Variants in KMT2E observed in about 807,000 individuals in gnomAD.
KMT2E encodes lysine methyltransferase 2E (inactive), also known as histone reader KMT2E.
Under a neutral mutation model 184.6 loss-of-function variants are expected in KMT2E, and 30 were observed. The observed-to-expected ratio is 0.16, with a 90% CI of 0.12 to 0.22. KMT2E has a LOEUF of 0.22. KMT2E is among the 10% of genes least tolerant of loss of function. KMT2E has a pLI of 1.00. For missense variants in KMT2E, 2,023 were observed against 2,237.4 expected (o/e 0.90, Z 1.93); for synonymous variants, 815 against 776.5 (o/e 1.05, Z -0.82).
chr7:105,071,600 ATATATATATTTTT>A lies in KMT2E; in HGVS notation c.498-2017_498-2005del, dbSNP rs1219206944. On this transcript the variant is annotated intron_variant, in intron 6 of 26. Transcript: ENST00000311117. ...TGTGTGTGTATATATATATATATATATATATATATTTTTTTTTTTTTTTTTTTTTTTTTTTTAA... is the reference window on the plus strand; with the variant it reads ...TGTGTGTGTATATATATATATATATATTTTTTTTTTTTTTTTTTTTTTTAA... Among the ~76,000 whole-genome samples the A allele has an allele frequency of 7.6e-5, 5 of 66,138 alleles. No individual in the cohort carries two copies. In the East Asian group the frequency reaches 1.8e-3, roughly 24 times the overall value. The allele number at this position is 66,138 out of a possible 152,430, so 43.4% of individuals were successfully genotyped here.
rs766557947 is a variant in KMT2E at position 105,063,571 on chromosome 7, A to T, written c.407A>T (p.Asp136Val). 6.4e-7 allele frequency: 1 copy of T among 1,574,544 alleles called. No individual in the cohort carries two copies. Among genetic ancestry groups the T allele is most frequent in the Non-Finnish European group, 8.6e-7 (1 of 1,157,442 alleles). ...GATGATGGATACATGATCTGTTGTG[A>T]CAAATGCAGGTAAAATATTTTACAC... ...THDDGYMICC[D>V]KCSVWQHIDC... The change falls in exon 5 of 27, where the codon GAC (aspartate) becomes GTC (valine). Residue 136 changes from aspartate (D) to valine (V), a missense_variant. Coordinates refer to ENST00000311117, the MANE Select transcript of KMT2E (RefSeq NM_182931.3).
Position 105,014,485 on chromosome 7 carries a change from G to A in KMT2E, c.-239G>A, listed in dbSNP as rs1391464442. 2 of 152,970 alleles carry A rather than the reference G, an allele frequency of 1.3e-5. No homozygotes were observed. Among genetic ancestry groups the A allele is most frequent in the Non-Finnish European group, 2.9e-5 (2 of 68,548 alleles). 9.5% of individuals were successfully genotyped at this position (152,970 alleles called of 1,614,324 possible). On this transcript the variant is annotated 5_prime_UTR_variant, in exon 1 of 27. Transcript: ENST00000311117. ...TCGCGGAGGTGCGGAGAGACTCCTT[G>A]GGGGTCGAGCACATAACGGGGTTCG...
At chr7:105,068,876 A>G (rs1233633823) in intron 6 of KMT2E, among the ~76,000 whole-genome samples, 1 of 152,142 alleles carries the variant, frequency 6.6e-6, no homozygotes, top group Non-Finnish European at 1.5e-5. Context: ...TGGTTTTCAG[A>G]ATAATGAAAA....
chr7:105,108,728 G>A (rs1799019692), intron 22 of KMT2E: 3 of 534,862 alleles, frequency 5.6e-6, no homozygotes, highest in Non-Finnish European at 3.4e-6. Flanking sequence ...TAGGGTTGTT[G>A]TGAGGATAAA....
In KMT2E at chr7:105,113,027, T is replaced by C. The variant is rs753557046; in HGVS notation, c.5271T>C (p.Thr1757=). ...PPLFPSSAHP[T]VPPYPSQATH... is the part of the protein sequence containing the mutation. ...TTTTTCCTTCGAGTGCTCATCCAAC[T>C]GTACCACCGTATCCCTCACAAGCTA... Residue 1757 remains threonine (T), a synonymous_variant, in exon 27 of 27, where the codon ACT becomes ACC. Coordinates refer to ENST00000311117, the MANE Select transcript of KMT2E (RefSeq NM_182931.3). 91 of 1,613,910 alleles carry C rather than the reference T, an allele frequency of 5.6e-5. No individual in the cohort carries two copies. The Admixed American group carries it at 1.5e-3, about 27-fold the overall frequency.
chr7:105,095,690 G>T (rs967320275), intron 15 of KMT2E, among the ~76,000 whole-genome samples: 1 of 152,140 alleles, frequency 6.6e-6, no homozygotes, highest in Admixed American at 6.6e-5. Context: ...TTGTGGCTAA[G>T]TTATGTGGAA....
intron 3 of KMT2E, among the ~76,000 whole-genome samples, chr7:105,044,391 T>C (rs935101109): frequency 6.6e-6 from 1 of 152,190 alleles, no homozygotes; most frequent in Non-Finnish European, 1.5e-5. Flanking sequence ...CTTTAAGGTA[T>C]TTTTTTCTTT....
At position 105,112,576 on chromosome 7, in the gene KMT2E, G is replaced by A. The variant is rs201171142; in HGVS notation, c.4820G>A (p.Gly1607Glu). 3.8e-5 allele frequency: 62 copies of A among 1,613,870 alleles called. No homozygotes were observed. Among genetic ancestry groups the A allele is most frequent in the Non-Finnish European group, 4.2e-5 (49 of 1,179,964 alleles). The change falls in exon 27 of 27, where the codon GGG (glycine) becomes GAG (glutamate). Residue 1607 changes from glycine (G) to glutamate (E), a missense_variant. By Grantham distance (98) the Gly-to-Glu change is moderately conservative (BLOSUM62 -2). This residue lies in a region of KMT2E where 1,108 missense variants were observed against 1,050.9 expected (regional missense o/e 1.05). Transcript: ENST00000311117. ...GTTCCAGGACACCACGTGACTCCAG[G>A]GCATTTTTTGCCCTCTCAGAACCCT... is the stretch of plus-strand genomic sequence containing the variant. The part of the protein sequence containing the change: ...QTVPGHHVTP[G>E]HFLPSQNPTI...
In KMT2E at chr7:105,067,787, A is replaced by G. The variant is rs1413180323; in HGVS notation, c.497+980A>G. Reference sequence around the variant, plus strand: ...GGAGTTCGAGACCAGCTTGGGAAACATGGTGAAACCCTGTCTCTCCTAAAA... The same window carrying G: ...GGAGTTCGAGACCAGCTTGGGAAACGTGGTGAAACCCTGTCTCTCCTAAAA... On this transcript the variant is annotated intron_variant, in intron 6 of 26. Transcript: ENST00000311117. Among the ~76,000 whole-genome samples the G allele has an allele frequency of 5.3e-5, 8 of 152,254 alleles. 1 individual carries two copies. In the South Asian group the frequency reaches 1.4e-3, roughly 28 times the overall value.
chr7:105,112,719 G>A lies in KMT2E; in HGVS notation c.4963G>A (p.Val1655Ile). ...CCATCAGCAACACTCTGTAGCACATGTAGTAGGGCCTGTTCATGCGGTCAC... is the reference window on the plus strand; with the variant it reads ...CCATCAGCAACACTCTGTAGCACATATAGTAGGGCCTGTTCATGCGGTCAC... ...NSHQQHSVAH[V>I]VGPVHAVTPG... Residue 1655 changes from valine to isoleucine, a missense_variant, in exon 27 of 27, where the codon GTA becomes ATA. By Grantham distance (29) the Val-to-Ile change is conservative (BLOSUM62 3). This residue lies in a region of KMT2E where 1,108 missense variants were observed against 1,050.9 expected (regional missense o/e 1.05). Transcript: ENST00000311117. 1 of 1,613,758 alleles carries A rather than the reference G, an allele frequency of 6.2e-7. No individual in the cohort carries two copies. The highest frequency in any genetic ancestry group is 1.1e-5 in the South Asian group (1 of 91,052).
intron 3 of KMT2E, among the ~76,000 whole-genome samples, chr7:105,052,650 C>A (rs1333350456): frequency 1.3e-5 from 2 of 152,092 alleles, no homozygotes; most frequent in Non-Finnish European, 2.9e-5. Context: ...CTTCTGCATC[C>A]TGGGTTCAAG....
At chr7:105,051,176 C>CCTTT (rs1442000985) in intron 3 of KMT2E, among the ~76,000 whole-genome samples, 1 of 148,406 alleles carries the variant, frequency 6.7e-6, no homozygotes, top group African/African-American at 2.5e-5. Flanking sequence ...TTCCTTCCTT[C>CCTTT]CTTTTTTCCT....
chr7:105,061,254 A>G (rs769751660), intron 3 of KMT2E, among the ~76,000 whole-genome samples: 3 of 152,222 alleles, frequency 2.0e-5, no homozygotes, highest in Non-Finnish European at 4.4e-5. Flanking sequence ...CTTAAACTAA[A>G]TAATAGTGCA....
rs761942120 is a variant in KMT2E at position 105,056,665 on chromosome 7, GA to G, written c.72-5497del. ...GCTTGTACATAGAACCACTCTATTG[GA>G]AGTTTGAATTATTGTGAACTAAAGT... is the stretch of plus-strand genomic sequence containing the variant. On this transcript the variant is annotated intron_variant, in intron 3 of 26. Transcript: ENST00000311117. 1.1e-4 allele frequency among the ~76,000 whole-genome samples: 16 copies of G among 152,296 alleles called. No individual in the cohort carries two copies. The East Asian group carries it at 2.9e-3, about 27-fold the overall frequency.
At chr7:105,055,467 T>C (rs1374674682) in intron 3 of KMT2E, among the ~76,000 whole-genome samples, 1 of 152,218 alleles carries the variant, frequency 6.6e-6, no homozygotes, top group Non-Finnish European at 1.5e-5. Flanking sequence ...TCCACTCCTT[T>C]AACTGTTCTG....
At chr7:105,018,157 T>G (rs1174782634) in intron 1 of KMT2E, among the ~76,000 whole-genome samples, 2 of 152,214 alleles carry the variant, frequency 1.3e-5, no homozygotes, top group Non-Finnish European at 2.9e-5. Context: ...AAGAAACCTG[T>G]GGTTTAATTT....
At chr7:105,086,882 A>G (rs1333082470) in intron 13 of KMT2E, among the ~76,000 whole-genome samples, 1 of 128,188 alleles carries the variant, frequency 7.8e-6, no homozygotes, top group African/African-American at 3.3e-5. Context: ...TATATATGCT[A>G]TATATTATAG....
At chr7:105,025,032 TAAGAG>T (rs1795116293) in intron 1 of KMT2E, among the ~76,000 whole-genome samples, 1 of 152,148 alleles carries the variant, frequency 6.6e-6, no homozygotes, top group African/African-American at 2.4e-5. Flanking sequence ...CATGTGTACT[TAAGAG>T]GAGTGCTACT....
Position 105,063,466 on chromosome 7 carries a change from C to A in KMT2E, c.302C>A (p.Ser101Tyr). Residue 101 changes from serine (S) to tyrosine (Y), a missense_variant, in exon 5 of 27, where the codon TCC (serine) becomes TAC (tyrosine). By Grantham distance (144) the Ser-to-Tyr change is moderately radical. This residue lies in a region of KMT2E where 48 missense variants were observed against 51.5 expected (regional missense o/e 0.93). Coordinates refer to ENST00000311117, the MANE Select transcript of KMT2E (RefSeq NM_182931.3). ...ACCACTCCTAATTTTGATGAAACTTCCAGTGCTACTACAATCAGCACATCT... is the reference window on the plus strand; with the variant it reads ...ACCACTCCTAATTTTGATGAAACTTACAGTGCTACTACAATCAGCACATCT... ...IFTTPNFDETSSATTISTSED... is the reference protein window; with the variant it reads ...IFTTPNFDETYSATTISTSED... 6.2e-7 allele frequency: 1 copy of A among 1,613,608 alleles called. No homozygotes were observed. Among genetic ancestry groups the A allele is most frequent in the Non-Finnish European group, 8.5e-7 (1 of 1,179,586 alleles).
Sources: gnomAD v4.1 joint callset for allele counts (sites outside exome capture counted in the v4.1 genomes callset) on GRCh38, gnomAD v4.1.1 for gene constraint, gnomAD v4.1.1 regional missense constraint, MANE v1.5 for transcripts, NCBI Gene and HGNC (gene_info 2026-07-23, HGNC 2026-07-21) for gene names.